Variants in EYS observed in about 807,000 individuals in gnomAD.
The protein encoded by EYS is EGF-like photoreceptor maintenance factor.
Under a neutral mutation model 282.1 loss-of-function variants are expected in EYS, and 250 were observed. That is an observed-to-expected ratio of 0.89 (90% CI 0.80 to 0.98). The LOEUF (loss-of-function observed/expected upper bound fraction) is 0.98. EYS is among the 50% of genes least tolerant of loss of function. The pLI, the probability that EYS is intolerant of heterozygous loss-of-function variation, is 0.00. For missense variants in EYS, 4,016 were observed against 3,709.0 expected (o/e 1.08, Z -2.15); for synonymous variants, 1,355 against 1,282.9 (o/e 1.06, Z -1.20).
chr6:65,673,605 G>C (rs573988025), intron 1 of EYS, among the ~76,000 whole-genome samples: 2 of 151,958 alleles, frequency 1.3e-5, no homozygotes, highest in Non-Finnish European at 2.9e-5. Flanking sequence ...TTGATGAGGC[G>C]TGTTTTTAAA....
chr6:64,855,514 G>A (rs1766030945), intron 19 of EYS, among the ~76,000 whole-genome samples: 1 of 151,902 alleles, frequency 6.6e-6, no homozygotes. Context: ...AACAGTTTAG[G>A]GGTTTACAGA....
intron 34 of EYS, among the ~76,000 whole-genome samples, chr6:63,991,439 A>G (rs1381198405): frequency 6.6e-6 from 1 of 151,678 alleles, no homozygotes; most frequent in African/African-American, 2.4e-5. Flanking sequence ...CGAAGTAACC[A>G]TTTTGAAAAT....
chr6:64,560,353 C>G (rs937704964), intron 26 of EYS, among the ~76,000 whole-genome samples: 11 of 151,698 alleles, frequency 7.3e-5, no homozygotes, highest in Admixed American at 2.6e-4. Context: ...ATATATTGGC[C>G]TTATTTTCTT....
At chr6:65,677,023 A>G (rs1043704608) in intron 1 of EYS, among the ~76,000 whole-genome samples, 16 of 151,260 alleles carry the variant, frequency 1.1e-4, no homozygotes, top group African/African-American at 3.9e-4. Flanking sequence ...AAAAAAATTA[A>G]AAAAACTAGA....
At chr6:63,953,154 C>A (rs537409138) in intron 35 of EYS, among the ~76,000 whole-genome samples, 1 of 152,218 alleles carries the variant, frequency 6.6e-6, no homozygotes, top group East Asian at 1.9e-4. Flanking sequence ...TATTCCCCTG[C>A]ACCCCTCATC....
intron 15 of EYS, among the ~76,000 whole-genome samples, chr6:64,926,727 C>A (rs1768529664): frequency 6.6e-6 from 1 of 152,254 alleles, no homozygotes; most frequent in Admixed American, 6.5e-5. Context: ...TCTTTACACA[C>A]AATTTTGCTA....
intron 28 of EYS, among the ~76,000 whole-genome samples, chr6:64,416,182 A>C (rs550478346): frequency 6.6e-6 from 1 of 152,290 alleles, no homozygotes; most frequent in South Asian, 2.1e-4. Context: ...GACAGAAGAA[A>C]TCATAGCCTG....
intron 12 of EYS, among the ~76,000 whole-genome samples, chr6:65,266,331 T>C (rs1459931798): frequency 6.6e-6 from 1 of 151,888 alleles, no homozygotes; most frequent in African/African-American, 2.4e-5. Flanking sequence ...TAGAAATTGA[T>C]TCTGAAACAG....
chr6:65,589,290 G>T (rs1765155074), intron 2 of EYS, among the ~76,000 whole-genome samples: 2 of 152,012 alleles, frequency 1.3e-5, no homozygotes, highest in South Asian at 4.1e-4. Flanking sequence ...TGGCCAGAGT[G>T]CACTGCTTTG....
chr6:64,031,428 C>A (rs530539132), intron 33 of EYS, among the ~76,000 whole-genome samples: 1 of 152,308 alleles, frequency 6.6e-6, no homozygotes, highest in Non-Finnish European at 1.5e-5. Context: ...GGCTCCTGTG[C>A]GGCCCAAGCC....
intron 12 of EYS, among the ~76,000 whole-genome samples, chr6:65,126,372 T>C (rs1304573897): frequency 6.6e-6 from 1 of 152,166 alleles, no homozygotes; most frequent in African/African-American, 2.4e-5. Flanking sequence ...AATGTCATCA[T>C]GGTTTCTTAT....
chr6:64,401,084 C>A (rs1353427005), intron 28 of EYS, among the ~76,000 whole-genome samples: 1 of 152,032 alleles, frequency 6.6e-6, no homozygotes, highest in African/African-American at 2.4e-5. Flanking sequence ...TATCATTACA[C>A]AGCAAGTTCT....
In EYS at chr6:64,187,808, T is replaced by C. The variant is rs554528552; in HGVS notation, c.6424+42784A>G. Among the ~76,000 whole-genome samples the C allele has an allele frequency of 3.3e-5, 5 of 152,052 alleles. No individual in the cohort carries two copies. In the East Asian group the frequency reaches 9.7e-4, roughly 29 times the overall value. On this transcript the variant is annotated intron_variant, in intron 31 of 42. Coordinates refer to ENST00000503581, the MANE Select transcript of EYS (RefSeq NM_001142800.2). ...CCTTTGATCTACCATTAACTCCTTA[T>C]GAGAAAGTAATTAGACAGATTTTTT...
intron 26 of EYS, among the ~76,000 whole-genome samples, chr6:64,569,707 C>A (rs1444738556): frequency 6.6e-6 from 1 of 151,798 alleles, no homozygotes; most frequent in Non-Finnish European, 1.5e-5. Context: ...TGCCACTGAA[C>A]TCCAGCCTGG....
chr6:64,559,271 A>AAGTG (rs1765326337), intron 26 of EYS, among the ~76,000 whole-genome samples: 1 of 142,208 alleles, frequency 7.0e-6, no homozygotes. Flanking sequence ...GTGTGTGTGC[A>AAGTG]TGTGTGTGTG....
At chr6:64,200,155 G>T (rs1765418821) in intron 31 of EYS, among the ~76,000 whole-genome samples, 1 of 152,166 alleles carries the variant, frequency 6.6e-6, no homozygotes. Flanking sequence ...AAAGAGACCA[G>T]TGGTTTTCAG....
intron 12 of EYS, among the ~76,000 whole-genome samples, chr6:65,254,375 T>A (rs62408668): frequency 0.033 from 5,031 of 151,922 alleles, 138 homozygotes; most frequent in Middle Eastern, 0.068. Flanking sequence ...GTGAAGAAGA[T>A]CCTAGTTAAA....
chr6:65,390,539 C>G (rs1330068738), intron 7 of EYS, among the ~76,000 whole-genome samples: 1 of 150,880 alleles, frequency 6.6e-6, no homozygotes, highest in Non-Finnish European at 1.5e-5. Context: ...CAGAAGGCTA[C>G]AAGAAAAACT....
At position 64,286,305 on chromosome 6, in the gene EYS, C is replaced by T. The variant is rs530418079; in HGVS notation, c.6191+20665G>A. On this transcript the variant is annotated intron_variant, in intron 30 of 42. Transcript: ENST00000503581. ...GTTGAAAGAGTTTAAACTTTAAATG[C>T]TGAGGGATTTTAACACATTCCTCTA... 1.8e-4 allele frequency among the ~76,000 whole-genome samples: 28 copies of T among 152,254 alleles called. No individual in the cohort carries two copies. The South Asian group carries it at 5.6e-3, about 31-fold the overall frequency.
Sources: gnomAD v4.1 joint callset for allele counts (sites outside exome capture counted in the v4.1 genomes callset) on GRCh38, gnomAD v4.1.1 for gene constraint, MANE v1.5 for transcripts, NCBI Gene and HGNC (gene_info 2026-07-23, HGNC 2026-07-21) for gene names.